The following FMO4 variants were observed in gnomAD, a reference collection of about 807,000 sequenced individuals.
The protein encoded by FMO4 is dimethylaniline monooxygenase [N-oxide-forming] 4.
A neutral mutation model predicts 43.3 loss-of-function variants in FMO4; 38 were observed. That is an observed-to-expected ratio of 0.88 (90% CI 0.68 to 1.15). The LOEUF (loss-of-function observed/expected upper bound fraction) is 1.15. Ranked by LOEUF, FMO4 falls within the 50% of genes most tolerant of loss-of-function variation. The pLI is 0.00. For missense variants in FMO4, 631 were observed against 663.3 expected (o/e 0.95, Z 0.54); for synonymous variants, 224 against 232.2 (o/e 0.96, Z 0.32).
chr1:171,336,416 A>G (rs755710517), intron 8 of FMO4, among the ~76,000 whole-genome samples: 42 of 152,294 alleles, frequency 2.8e-4, no homozygotes, highest in Non-Finnish European at 1.2e-4. Flanking sequence ...AATAAGGTTT[A>G]GAATTCAGAA....
chr1:171,326,754 G>C (rs1662684263), intron 5 of FMO4, among the ~76,000 whole-genome samples: 1 of 152,108 alleles, frequency 6.6e-6, no homozygotes, highest in Non-Finnish European at 1.5e-5. Flanking sequence ...GTCTTCAAGA[G>C]GCAATTATTT....
chr1:171,322,412 C>A (rs889481353), intron 3 of FMO4, among the ~76,000 whole-genome samples: 2 of 152,134 alleles, frequency 1.3e-5, no homozygotes, highest in African/African-American at 4.8e-5. Flanking sequence ...TGTTTAAGGA[C>A]AATGTTAGTC....
In FMO4 at chr1:171,341,791, A is replaced by T; in HGVS notation, c.1629A>T (p.Lys543Asn). 1 of 1,613,888 alleles carries T rather than the reference A, an allele frequency of 6.2e-7. No individual in the cohort carries two copies. The highest frequency in any genetic ancestry group is 8.5e-7 in the Non-Finnish European group (1 of 1,179,918). Residue 543 changes from lysine to asparagine, a missense_variant, in exon 10 of 10, where the codon AAA becomes AAT. Transcript: ENST00000367749. Reference sequence around the variant, plus strand: ...TTTTCTTGAAATTGGTGAGAGATAAACTACAGGACAGAATGTCCCCTTACC... The same window carrying T: ...TTTTCTTGAAATTGGTGAGAGATAATCTACAGGACAGAATGTCCCCTTACC... ...SSLFLKLVRD[K>N]LQDRMSPYLV...
chr1:171,320,013 G>A lies in FMO4; in HGVS notation c.132+56G>A, dbSNP rs371608155. Reference sequence around the variant, plus strand: ...TGGCCATTTGCTTTGTCTCTGCTCAGACATGGTGGCTTTAGCCTGCCTTGG... The same window carrying A: ...TGGCCATTTGCTTTGTCTCTGCTCAAACATGGTGGCTTTAGCCTGCCTTGG... On this transcript the variant is annotated intron_variant, in intron 3 of 9. Transcript: ENST00000367749. 6.2e-6 allele frequency: 10 copies of A among 1,600,498 alleles called. No individual in the cohort carries two copies. The African/African-American group carries it at 1.3e-4, about 21-fold the overall frequency.
rs377630748 is a variant in FMO4 at position 171,332,644 on chromosome 1, C to T, written c.628-65C>T. On this transcript the variant is annotated intron_variant, in intron 6 of 9. Coordinates refer to ENST00000367749, the MANE Select transcript of FMO4 (RefSeq NM_002022.3). Reference sequence around the variant, plus strand: ...CTGGAATAAGATCATTTGAAACACACTGATGAAAAATACTACAAAATGATG... The same window carrying T: ...CTGGAATAAGATCATTTGAAACACATTGATGAAAAATACTACAAAATGATG... 5 of 1,363,900 alleles carry T rather than the reference C, an allele frequency of 3.7e-6. No homozygotes were observed. The African/African-American group carries it at 7.2e-5, about 20-fold the overall frequency. 84.5% of individuals were successfully genotyped at this position (1,363,900 alleles called of 1,614,324 possible).
Position 171,341,728 on chromosome 1 carries a change from C to A in FMO4, c.1566C>A (p.Val522=), listed in dbSNP as rs1305457225. ...SHYLKAWGAP[V]LLASLLLICK... Reference sequence around the variant, plus strand: ...ATTTAAAAGCCTGGGGGGCACCTGTCCTACTTGCCTCTCTTCTACTTATCT... The same window carrying A: ...ATTTAAAAGCCTGGGGGGCACCTGTACTACTTGCCTCTCTTCTACTTATCT... The change falls in exon 10 of 10, where the codon GTC becomes GTA. Residue 522 remains valine (V), a synonymous_variant. Coordinates refer to ENST00000367749, the MANE Select transcript of FMO4 (RefSeq NM_002022.3). 2.5e-6 allele frequency: 4 copies of A among 1,613,794 alleles called. No homozygotes were observed. In the South Asian group the frequency reaches 3.3e-5, roughly 13 times the overall value.
At chr1:171,331,150 A>AC (rs1335172658) in intron 5 of FMO4, among the ~76,000 whole-genome samples, 1 of 152,234 alleles carries the variant, frequency 6.6e-6, no homozygotes, top group East Asian at 1.9e-4. Context: ...GGGCAAAGTA[A>AC]CATGCATCAA....
At chr1:171,323,256 A>C in intron 4 of FMO4, 64 bp downstream of exon 4, 1 of 1,074,144 alleles carries the variant, frequency 9.3e-7, no homozygotes. Context: ...AATCTAATGA[A>C]AATTGGATGT....
chr1:171,317,653 C>A (rs1450477161), intron 2 of FMO4, among the ~76,000 whole-genome samples: 4 of 152,188 alleles, frequency 2.6e-5, no homozygotes, highest in African/African-American at 4.8e-5. Context: ...CCAGTTCCCG[C>A]TGACAAGCAT....
At chr1:171,335,726 A>T (rs1166330365) in intron 8 of FMO4, among the ~76,000 whole-genome samples, 1 of 152,212 alleles carries the variant, frequency 6.6e-6, no homozygotes, top group Admixed American at 6.5e-5. Flanking sequence ...TGGCACAAAA[A>T]AAAATGTTAT....
intron 5 of FMO4, among the ~76,000 whole-genome samples, chr1:171,330,899 G>C (rs1191285017): frequency 6.6e-6 from 1 of 152,152 alleles, no homozygotes; most frequent in African/African-American, 2.4e-5. Flanking sequence ...CTTCATGAAA[G>C]ATCAATCAGA....
At chr1:171,319,262 G>A (rs530680945) in intron 2 of FMO4, among the ~76,000 whole-genome samples, 16 of 152,284 alleles carry the variant, frequency 1.1e-4, no homozygotes, top group Non-Finnish European at 1.9e-4. Flanking sequence ...ATCCTGGGCC[G>A]ATCTTTCCAA....
rs191820932 is a variant in FMO4 at position 171,323,528 on chromosome 1, G to T, written c.321+336G>T. ...AAAATACAAAAATTAGCTGGGTGTG[G>T]TGGTGCACACCTGTGATTCCAGCTT... is the stretch of plus-strand genomic sequence containing the variant. On this transcript the variant is annotated intron_variant, in intron 4 of 9. Transcript: ENST00000367749. 4.9e-3 allele frequency among the ~76,000 whole-genome samples: 753 copies of T among 152,202 alleles called. 7 individuals are homozygous for T. The highest frequency in any genetic ancestry group is 6.1e-3 in the Non-Finnish European group (415 of 68,014).
chr1:171,340,773 T>C (rs913803446), intron 9 of FMO4, among the ~76,000 whole-genome samples: 3 of 152,208 alleles, frequency 2.0e-5, no homozygotes, highest in African/African-American at 7.2e-5. Flanking sequence ...GAGCATTCGC[T>C]GTACACTTTA....
At chr1:171,315,706 G>A (rs1662169591) in intron 1 of FMO4, among the ~76,000 whole-genome samples, 1 of 152,190 alleles carries the variant, frequency 6.6e-6, no homozygotes, top group South Asian at 2.1e-4. Context: ...GAAATTTATA[G>A]TCTGTAAATA....
intron 9 of FMO4, among the ~76,000 whole-genome samples, chr1:171,339,014 C>T (rs1264744819): frequency 1.3e-5 from 2 of 152,074 alleles, no homozygotes; most frequent in African/African-American, 2.4e-5. Context: ...AGTAGAACAT[C>T]GTGGAAGTTT....
intron 9 of FMO4, among the ~76,000 whole-genome samples, chr1:171,339,769 G>C (rs1399410507): frequency 3.3e-5 from 5 of 152,180 alleles, no homozygotes; most frequent in Non-Finnish European, 7.4e-5. Context: ...GATGAAGCTG[G>C]AAGTTCAAGC....
chr1:171,314,902 T>C (rs1011355629), intron 1 of FMO4, among the ~76,000 whole-genome samples: 1 of 152,194 alleles, frequency 6.6e-6, no homozygotes, highest in African/African-American at 2.4e-5. Context: ...AAAGGATTCC[T>C]ACATTTGCTG....
chr1:171,334,752 G>A lies in FMO4; in HGVS notation c.1169G>A (p.Arg390Lys). Reference sequence around the variant, plus strand: ...GAGCTCCAAGCACGATGGGTCACAAGAGTATTCAAAGGTACCATGACTCTA... The same window carrying A: ...GAGCTCCAAGCACGATGGGTCACAAAAGTATTCAAAGGTACCATGACTCTA... ...GTELQARWVTRVFKGLCKIPP... is the reference protein window; with the variant it reads ...GTELQARWVTKVFKGLCKIPP... The change falls in exon 8 of 10, where the codon AGA becomes AAA. Residue 390 changes from arginine to lysine, a missense_variant. Arg to Lys is a conservative substitution (Grantham distance 26). Transcript: ENST00000367749. 2 of 1,563,640 alleles carry A rather than the reference G, an allele frequency of 1.3e-6. No individual in the cohort carries two copies. Among genetic ancestry groups the A allele is most frequent in the Non-Finnish European group, 1.7e-6 (2 of 1,159,678 alleles).
Sources: allele counts gnomAD v4.1 joint callset (sites outside exome capture counted in the v4.1 genomes callset), GRCh38; gene constraint gnomAD v4.1.1; transcripts MANE v1.5; gene names NCBI Gene and HGNC (gene_info 2026-07-23, HGNC 2026-07-21).